Variants in PLCE1 observed in about 807,000 individuals in gnomAD.
The protein encoded by PLCE1 is phospholipase C epsilon 1.
A neutral mutation model predicts 242.8 loss-of-function variants in PLCE1; 119 were observed. The ratio of observed to expected loss-of-function variants is 0.49; its 90% confidence interval spans 0.42 to 0.57. The LOEUF (loss-of-function observed/expected upper bound fraction) is 0.57, where lower values mean the gene tolerates loss of function less well. PLCE1 is among the 20% of genes least tolerant of loss of function. The probability of loss-of-function intolerance (pLI) is 0.00; values close to 1 mark genes in which losing one functional copy is unlikely to be tolerated. For missense variants in PLCE1, 2,441 were observed against 2,788.8 expected (o/e 0.88, Z 2.81); for synonymous variants, 945 against 1,017.4 (o/e 0.93, Z 1.35).
intron 2 of PLCE1, among the ~76,000 whole-genome samples, chr10:94,114,683 T>G (rs2046063557): frequency 6.6e-6 from 1 of 152,214 alleles, no homozygotes; most frequent in Non-Finnish European, 1.5e-5. Flanking sequence ...TTTTCTTATT[T>G]TGTTGTGCCC....
In PLCE1 at chr10:94,234,393, G is replaced by C. The variant is rs908801619; in HGVS notation, c.2214+81G>C. Reference sequence around the variant, plus strand: ...TCAGGCCCTGTCTGTGCTCACCAAAGAAATGATCACTGATTGAACACAGGG... The same window carrying C: ...TCAGGCCCTGTCTGTGCTCACCAAACAAATGATCACTGATTGAACACAGGG... On this transcript the variant is annotated intron_variant, in intron 6 of 32. Coordinates refer to ENST00000371380, the MANE Select transcript of PLCE1 (RefSeq NM_016341.4). The C allele has an allele frequency of 5.0e-5, 70 of 1,404,354 alleles. No homozygotes were observed. The Admixed American group carries it at 1.1e-3, about 23-fold the overall frequency. The allele number at this position is 1,404,354 out of a possible 1,614,324, so 87.0% of individuals were successfully genotyped here. A position where few individuals can be genotyped will look rare whatever the true frequency, so the allele number is the denominator to read the frequency against.
intron 4 of PLCE1, among the ~76,000 whole-genome samples, chr10:94,190,867 GT>G (rs2048639112): frequency 6.6e-6 from 1 of 152,214 alleles, no homozygotes; most frequent in South Asian, 2.1e-4. Context: ...TGCAGATACA[GT>G]TTTGGAATAA....
intron 2 of PLCE1, among the ~76,000 whole-genome samples, chr10:94,113,093 T>A (rs572996638): frequency 6.6e-6 from 1 of 152,060 alleles, no homozygotes; most frequent in Non-Finnish European, 1.5e-5. Flanking sequence ...GGTGGTTGCT[T>A]AGGGCTAGTG....
At chr10:94,102,724 G>A (rs1443809455) in intron 2 of PLCE1, among the ~76,000 whole-genome samples, 1 of 152,224 alleles carries the variant, frequency 6.6e-6, no homozygotes, top group East Asian at 1.9e-4. Flanking sequence ...CCCAGCCCTG[G>A]GCTGCACTCC....
At chr10:94,012,182 C>T (rs1273598257) in intron 1 of PLCE1, among the ~76,000 whole-genome samples, 1 of 151,976 alleles carries the variant, frequency 6.6e-6, no homozygotes, top group African/African-American at 2.4e-5. Flanking sequence ...GGAATTTCTT[C>T]CCTTGATACC....
chr10:94,238,418 G>A (rs1311271787), intron 7 of PLCE1, among the ~76,000 whole-genome samples: 1 of 152,198 alleles, frequency 6.6e-6, no homozygotes, highest in Non-Finnish European at 1.5e-5. Flanking sequence ...ATAAACAGTA[G>A]AGCCGGGTCA....
At chr10:94,049,749 A>C (rs939096133) in intron 2 of PLCE1, among the ~76,000 whole-genome samples, 4 of 152,206 alleles carry the variant, frequency 2.6e-5, no homozygotes, top group Non-Finnish European at 5.9e-5. Context: ...TTAGCACCCC[A>C]GAAGCCTTTG....
intron 2 of PLCE1, among the ~76,000 whole-genome samples, chr10:94,095,068 A>C (rs1478410000): frequency 6.6e-6 from 1 of 152,200 alleles, no homozygotes; most frequent in Non-Finnish European, 1.5e-5. Context: ...CAAAGAATAC[A>C]TTGTAATCAT....
chr10:94,258,561 C>T (rs963312008), intron 11 of PLCE1, among the ~76,000 whole-genome samples: 2 of 152,174 alleles, frequency 1.3e-5, no homozygotes, highest in Non-Finnish European at 2.9e-5. Flanking sequence ...TTAACCTCAG[C>T]CCTGGGCCCT....
chr10:93,999,442 C>T (rs371755746), intron 1 of PLCE1, among the ~76,000 whole-genome samples: 4 of 152,162 alleles, frequency 2.6e-5, no homozygotes, highest in African/African-American at 9.7e-5. Context: ...ACACTACTCC[C>T]AAAGGCAGGC....
chr10:94,268,084 A>G (rs185139115), intron 16 of PLCE1, among the ~76,000 whole-genome samples: 8 of 152,336 alleles, frequency 5.3e-5, no homozygotes, highest in Admixed American at 3.9e-4. Flanking sequence ...GTACAGATCT[A>G]TGGAGGAAGA....
chr10:94,286,092 A>C (rs2052437289), intron 22 of PLCE1, among the ~76,000 whole-genome samples: 1 of 152,178 alleles, frequency 6.6e-6, no homozygotes, highest in South Asian at 2.1e-4. Context: ...ACTCAGAAAA[A>C]TTCATCTCCT....
chr10:94,180,282 A>T (rs912220660), intron 4 of PLCE1, among the ~76,000 whole-genome samples: 2 of 152,140 alleles, frequency 1.3e-5, no homozygotes, highest in African/African-American at 4.8e-5. Flanking sequence ...CTGTTTGTTG[A>T]TTTTAACCTA....
At chr10:94,258,776 A>C in intron 11 of PLCE1, 24 bp from the exon 12 acceptor site, 1 of 1,614,048 alleles carries the variant, frequency 6.2e-7, no homozygotes. Flanking sequence ...CCTTGTGCCC[A>C]TGAAGGCCTT....
At chr10:94,140,144 A>G (rs1218838198) in intron 3 of PLCE1, among the ~76,000 whole-genome samples, 2 of 152,134 alleles carry the variant, frequency 1.3e-5, no homozygotes, top group Non-Finnish European at 2.9e-5. Flanking sequence ...GTGTCTGTAG[A>G]CTATATTTAG....
intron 23 of PLCE1, among the ~76,000 whole-genome samples, chr10:94,294,319 T>C (rs2052736546): frequency 6.6e-6 from 1 of 152,292 alleles, no homozygotes; most frequent in Admixed American, 6.5e-5. Flanking sequence ...TAAATTCTTG[T>C]AGTTAAAAAC....
At chr10:94,279,598 A>G (rs2052115661) in intron 19 of PLCE1, 184 bp from the exon 20 acceptor site, 3 of 645,514 alleles carry the variant, frequency 4.6e-6, no homozygotes, top group Non-Finnish European at 8.2e-6. Context: ...TAGGAATGCT[A>G]ACGTTCACCC....
At chr10:94,277,031 T>C (rs897582343) in intron 19 of PLCE1, among the ~76,000 whole-genome samples, 2 of 152,124 alleles carry the variant, frequency 1.3e-5, no homozygotes, top group Non-Finnish European at 2.9e-5. Context: ...TCCAGTGGGC[T>C]CAGACCTACC....
intron 1 of PLCE1, among the ~76,000 whole-genome samples, chr10:93,997,368 A>G (rs2060845119): frequency 6.6e-6 from 1 of 152,216 alleles, no homozygotes; most frequent in Non-Finnish European, 1.5e-5. Context: ...CATTTTTACC[A>G]TTACAAAATC....
Sources: allele counts gnomAD v4.1 joint callset (sites outside exome capture counted in the v4.1 genomes callset), GRCh38; gene constraint gnomAD v4.1.1; transcripts MANE v1.5; gene names NCBI Gene and HGNC (gene_info 2026-07-23, HGNC 2026-07-21).